LCOR: variants seen among roughly 807,000 people sequenced by gnomAD.
The protein encoded by LCOR is ligand-dependent corepressor.
A neutral mutation model predicts 64.4 loss-of-function variants in LCOR; 14 were observed. The ratio of observed to expected loss-of-function variants is 0.22; its 90% CI spans 0.14 to 0.34. LCOR has a LOEUF of 0.34. Ranked by LOEUF, LCOR falls within the 10% of genes least tolerant of loss-of-function variation. LCOR has a pLI of 1.00. For missense variants in LCOR, 1,686 were observed against 1,765.3 expected, an observed-to-expected ratio of 0.96 and a Z score of 0.80; for synonymous variants, 643 against 642.5, an observed-to-expected ratio of 1.00 and a Z score of -0.01.
intron 7 of LCOR, chr10:96,957,590 T>C (rs1226768932): frequency 2.0e-6 from 2 of 985,182 alleles, no homozygotes; most frequent in African/African-American, 3.5e-5. Flanking sequence ...TAAAATAAAA[T>C]TAAAATTGGA....
intron 2 of LCOR, among the ~76,000 whole-genome samples, chr10:96,873,571 C>CGTGTGT (rs55893181): frequency 0.085 from 10,733 of 126,088 alleles, 608 homozygotes; most frequent in Non-Finnish European, 0.11. Context: ...CACACACACA[C>CGTGTGT]GTGTGTGTGT....
chr10:96,851,830 T>G (rs1432971335), intron 2 of LCOR, among the ~76,000 whole-genome samples: 2 of 152,236 alleles, frequency 1.3e-5, no homozygotes, highest in Non-Finnish European at 2.9e-5. Flanking sequence ...GTTTAACAGT[T>G]GATTCAGGTA....
chr10:96,955,982 A>T, intron 7 of LCOR: 1 of 1,541,942 alleles, frequency 6.5e-7, no homozygotes, highest in Non-Finnish European at 8.7e-7. Flanking sequence ...ATCATTGTTC[A>T]GCTATCATTG....
chr10:96,978,952 A>G (rs1410510841), intron 7 of LCOR, among the ~76,000 whole-genome samples: 2 of 152,240 alleles, frequency 1.3e-5, no homozygotes, highest in Non-Finnish European at 2.9e-5. Flanking sequence ...TGAGGAAACC[A>G]AGGTTCAGAG....
At chr10:96,922,113 G>A (rs1847091229) in intron 4 of LCOR, among the ~76,000 whole-genome samples, 1 of 152,112 alleles carries the variant, frequency 6.6e-6, no homozygotes, top group East Asian at 1.9e-4. Flanking sequence ...ATTTTGATAA[G>A]GATTGCATTA....
chr10:96,892,787 CT>C (rs1384365653), intron 2 of LCOR, among the ~76,000 whole-genome samples: 2 of 152,130 alleles, frequency 1.3e-5, no homozygotes, highest in Non-Finnish European at 2.9e-5. Flanking sequence ...TGGGCTTTTT[CT>C]TTTCTTTCAC....
chr10:96,932,821 C>T (rs541330932), intron 4 of LCOR, among the ~76,000 whole-genome samples: 31 of 152,236 alleles, frequency 2.0e-4, no homozygotes, highest in African/African-American at 6.7e-4. Context: ...CATAGTACCC[C>T]GAACACTGCA....
chr10:96,969,296 T>TA (rs1847977274), intron 7 of LCOR, among the ~76,000 whole-genome samples: 1 of 152,242 alleles, frequency 6.6e-6, no homozygotes, highest in Admixed American at 6.5e-5. Context: ...TTCAAGAACC[T>TA]AAAAATACTG....
rs55839435 is a variant in LCOR, at chr10:96,920,751, TACACAC to T, written c.-184+13039_-184+13044del. Reference sequence around the variant, plus strand: ...GTTCATATATATGTGTATATATGTATACACACACACACACACACACACACACACACA... The same window carrying T: ...GTTCATATATATGTGTATATATGTATACACACACACACACACACACACACA... On this transcript the variant is annotated intron_variant, in intron 4 of 7. Transcript: ENST00000421806. Among the ~76,000 whole-genome samples the T allele has an allele frequency of 4.2e-5, 5 of 118,884 alleles. 1 individual carries two copies. The highest frequency in any genetic ancestry group is 1.6e-4 in the African/African-American group (4 of 25,566). The allele number at this position is 118,884 out of a possible 152,430, so 78.0% of individuals were successfully genotyped here.
At chr10:96,915,187 T>A (rs186332199) in intron 4 of LCOR, among the ~76,000 whole-genome samples, 1 of 152,088 alleles carries the variant, frequency 6.6e-6, no homozygotes, top group Non-Finnish European at 1.5e-5. Context: ...AAAACGACAA[T>A]GAAGTATTCT....
rs1282803576 is a variant in LCOR, at chr10:96,955,703, T to C, written c.332+3507T>C. 4 of 1,614,008 alleles carry C rather than the reference T, an allele frequency of 2.5e-6. No individual in the cohort carries two copies. The African/African-American group carries it at 5.3e-5, about 22-fold the overall frequency. ...TACTGGAGGAAGCAATCTCAGTGGT[T>C]ATGAGTGGAAAAATGAGTGTTTCCA... On this transcript the variant is annotated intron_variant, in intron 7 of 7. Transcript: ENST00000421806.
chr10:96,889,148 G>A (rs1281026523), intron 2 of LCOR, among the ~76,000 whole-genome samples: 2 of 152,152 alleles, frequency 1.3e-5, no homozygotes, highest in Admixed American at 1.3e-4. Context: ...CTATTACATA[G>A]TCACTTCCAT....
intron 2 of LCOR, among the ~76,000 whole-genome samples, chr10:96,862,817 A>G (rs376762943): frequency 2.6e-5 from 4 of 152,064 alleles, no homozygotes; most frequent in Non-Finnish European, 5.9e-5. Context: ...AAGACCAAAT[A>G]TGTATTTCAG....
At chr10:96,881,299 A>T (rs1256442361) in intron 2 of LCOR, among the ~76,000 whole-genome samples, 1 of 152,194 alleles carries the variant, frequency 6.6e-6, no homozygotes, top group African/African-American at 2.4e-5. Context: ...TACACAAAGT[A>T]ATGAATGTCA....
Position 96,941,574 on chromosome 10 carries a change from T to TG in LCOR, c.-183-2538dup, listed in dbSNP as rs1355752317. Among the ~76,000 whole-genome samples the TG allele has an allele frequency of 2.6e-5, 3 of 113,428 alleles. No homozygotes were observed. The East Asian group carries it at 8.0e-4, about 30-fold the overall frequency. 74.4% of individuals were successfully genotyped at this position (113,428 alleles called of 152,430 possible). A position where few individuals can be genotyped will look rare whatever the true frequency, so the allele number is the denominator to read the frequency against. On this transcript the variant is annotated intron_variant, in intron 4 of 7. Transcript: ENST00000421806. ...CCACCTCCCTCCCGGACGGGGTGGCTGCCGGGCGGAGACGCTCCTCACTTT... is the reference window on the plus strand; with the variant it reads ...CCACCTCCCTCCCGGACGGGGTGGCTGGCCGGGCGGAGACGCTCCTCACTTT...
intron 2 of LCOR, among the ~76,000 whole-genome samples, chr10:96,892,167 A>C (rs1846457063): frequency 6.6e-6 from 1 of 151,908 alleles, no homozygotes; most frequent in Non-Finnish European, 1.5e-5. Flanking sequence ...GCTTAGTTGT[A>C]CCACCCATTA....
intron 4 of LCOR, among the ~76,000 whole-genome samples, chr10:96,914,003 A>G (rs1468028190): frequency 2.6e-5 from 4 of 152,134 alleles, no homozygotes; most frequent in African/African-American, 7.2e-5. Context: ...GGAACAGGGC[A>G]TTTATTTTTG....
chr10:96,839,013 C>T (rs1845493179), intron 2 of LCOR, among the ~76,000 whole-genome samples: 1 of 152,008 alleles, frequency 6.6e-6, no homozygotes, highest in Non-Finnish European at 1.5e-5. Flanking sequence ...TATATAATAG[C>T]TATTTTAGTG....
At chr10:96,833,187 C>T (rs973924179) in intron 1 of LCOR, 25 of 985,040 alleles carry the variant, frequency 2.5e-5, no homozygotes, top group East Asian at 1.1e-4. Context: ...GACCGAGGAG[C>T]CCCGGCGGGG....
Sources: gnomAD v4.1 joint callset for allele counts (sites outside exome capture counted in the v4.1 genomes callset) on GRCh38, gnomAD v4.1.1 for gene constraint, MANE v1.5 for transcripts, NCBI Gene and HGNC (gene_info 2026-07-23, HGNC 2026-07-21) for gene names.